FUT9: variants seen among roughly 807,000 people sequenced by gnomAD.
The protein encoded by FUT9 is 4-galactosyl-N-acetylglucosaminide 3-alpha-L-fucosyltransferase 9.
FUT9 carries 15 observed loss-of-function variants against 29.7 expected under a neutral mutation model. The observed-to-expected ratio is 0.51, with a 90% CI of 0.34 to 0.78. The LOEUF is 0.78. FUT9 is among the 30% of genes least tolerant of loss of function. The probability of loss-of-function intolerance (pLI) is 0.01; values close to 1 mark genes in which losing one functional copy is unlikely to be tolerated. For synonymous variants in FUT9, 169 were observed against 153.7 expected (o/e 1.10, Z -0.74); for missense variants, 319 against 425.4 (o/e 0.75, Z 2.20).
chr6:96,063,680 G>A (rs1770914457), intron 1 of FUT9, among the ~76,000 whole-genome samples: 2 of 152,082 alleles, frequency 1.3e-5, no homozygotes, highest in South Asian at 2.1e-4. Context: ...ATAGATGAAG[G>A]CAATGAAGCA....
chr6:96,181,931 G>C (rs1003710875), intron 2 of FUT9, among the ~76,000 whole-genome samples: 2 of 151,806 alleles, frequency 1.3e-5, no homozygotes, highest in African/African-American at 4.8e-5. Context: ...ACTTTTTTCT[G>C]GATAGATACC....
chr6:96,156,694 C>G (rs1231302284), intron 2 of FUT9, among the ~76,000 whole-genome samples: 5 of 152,116 alleles, frequency 3.3e-5, no homozygotes, highest in African/African-American at 4.8e-5. Context: ...TGGGTTAGGT[C>G]GGATGTTTTC....
chr6:96,142,351 T>G (rs542553416), intron 2 of FUT9, among the ~76,000 whole-genome samples: 1 of 152,284 alleles, frequency 6.6e-6, no homozygotes, highest in Admixed American at 6.5e-5. Flanking sequence ...CACAATCCAG[T>G]TATGAATACT....
intron 2 of FUT9, among the ~76,000 whole-genome samples, chr6:96,202,844 G>T (rs138172565): frequency 2.0e-5 from 3 of 152,166 alleles, no homozygotes; most frequent in African/African-American, 7.2e-5. Context: ...TCTAGGTTGT[G>T]CCACTTTTCT....
At chr6:96,128,491 T>C (rs957476842) in intron 2 of FUT9, among the ~76,000 whole-genome samples, 2 of 152,200 alleles carry the variant, frequency 1.3e-5, no homozygotes. Flanking sequence ...CGTTATTAAG[T>C]GTTGTGGAAA....
At chr6:96,022,843 G>A (rs1228389677) in intron 1 of FUT9, among the ~76,000 whole-genome samples, 1 of 151,880 alleles carries the variant, frequency 6.6e-6, no homozygotes, top group East Asian at 1.9e-4. Flanking sequence ...GCTAATAGCT[G>A]CTTTTCAAAT....
chr6:96,142,639 T>C (rs1233079044), intron 2 of FUT9, among the ~76,000 whole-genome samples: 2 of 152,014 alleles, frequency 1.3e-5, no homozygotes, highest in Admixed American at 6.6e-5. Flanking sequence ...GAGAAGTTCA[T>C]TTTTTTCTGT....
rs1773941409 is a variant in FUT9, at chr6:96,211,752, T to C, written c.*7517T>C. 5.2e-6 allele frequency: 1 copy of C among 191,732 alleles called. No individual in the cohort carries two copies. The highest frequency in any genetic ancestry group is 2.4e-5 in the African/African-American group (1 of 42,534). 11.9% of individuals were successfully genotyped at this position (191,732 alleles called of 1,614,324 possible). On this transcript the variant is annotated 3_prime_UTR_variant, in exon 3 of 3. Transcript: ENST00000302103. ...AAGTAGGCTCAAGGAAAATTTCTAT[T>C]TTTCTATATGAAAAAGAGAATGATA...
intron 2 of FUT9, among the ~76,000 whole-genome samples, chr6:96,120,269 CTTTTT>C (rs11347804): frequency 3.3e-5 from 3 of 91,474 alleles, no homozygotes; most frequent in South Asian, 9.3e-4. Flanking sequence ...TTTTTTCTTT[CTTTTT>C]TTTTTTTTTT....
At chr6:96,127,355 G>T (rs115352405) in intron 2 of FUT9, among the ~76,000 whole-genome samples, 2,640 of 152,220 alleles carry the variant, frequency 0.017, 82 homozygotes, top group African/African-American at 0.059. Flanking sequence ...CCATGTTGCT[G>T]CGAAGTATGT....
chr6:96,079,107 G>C (rs114795059), intron 1 of FUT9, among the ~76,000 whole-genome samples: 7 of 152,200 alleles, frequency 4.6e-5, no homozygotes, highest in African/African-American at 1.7e-4. Context: ...CCCATGTTCA[G>C]AGGCACCATG....
chr6:96,071,713 T>C (rs6940717), intron 1 of FUT9, among the ~76,000 whole-genome samples: 4,142 of 152,276 alleles, frequency 0.027, 211 homozygotes, highest in African/African-American at 0.094. Context: ...ATCTCTTCTA[T>C]CCCTAAACAT....
In FUT9 at chr6:96,159,212, T is replaced by C. The variant is rs113300170; in HGVS notation, c.-8-43936T>C. Among the ~76,000 whole-genome samples the C allele has an allele frequency of 1.7e-3, 263 of 151,402 alleles. 2 individuals carry two copies. Among genetic ancestry groups the C allele is most frequent in the African/African-American group, 6.1e-3 (252 of 41,292 alleles). ...TTTGCATCATATCTTTAAGCAAAAATGAGCCTGTCTCTAAAGAAAAGACAG... is the reference window on the plus strand; with the variant it reads ...TTTGCATCATATCTTTAAGCAAAAACGAGCCTGTCTCTAAAGAAAAGACAG... On this transcript the variant is annotated intron_variant, in intron 2 of 2. Coordinates refer to ENST00000302103, the MANE Select transcript of FUT9 (RefSeq NM_006581.4).
intron 2 of FUT9, among the ~76,000 whole-genome samples, chr6:96,137,846 A>G (rs150166264): frequency 6.6e-6 from 1 of 152,224 alleles, no homozygotes; most frequent in Admixed American, 6.5e-5. Flanking sequence ...GGAACATACA[A>G]CAACTTTCTC....
At chr6:96,121,736 A>T (rs763396940) in intron 2 of FUT9, among the ~76,000 whole-genome samples, 3 of 152,054 alleles carry the variant, frequency 2.0e-5, no homozygotes, top group Non-Finnish European at 4.4e-5. Context: ...TTGTACTCTA[A>T]ACACAGTAGG....
chr6:96,164,709 A>T (rs1362793728), intron 2 of FUT9, among the ~76,000 whole-genome samples: 1 of 151,998 alleles, frequency 6.6e-6, no homozygotes, highest in Non-Finnish European at 1.5e-5. Context: ...ATGTCTGACC[A>T]CTCATTCCCA....
In FUT9 at chr6:96,150,309, T is replaced by A. The variant is rs142315680; in HGVS notation, c.-9+36182T>A. Among the ~76,000 whole-genome samples, 472 of 152,268 alleles carry A rather than the reference T, an allele frequency of 3.1e-3. 1 individual carries two copies. The highest frequency in any genetic ancestry group is 0.01 in the African/African-American group (418 of 41,546). ...AACAAAGTGGCATTTTTGATAGACC[T>A]GGACTTTAAAATATGGAAATTAGTG... On this transcript the variant is annotated intron_variant, in intron 2 of 2. Coordinates refer to ENST00000302103, the MANE Select transcript of FUT9 (RefSeq NM_006581.4).
chr6:96,165,288 G>A (rs531285050), intron 2 of FUT9, among the ~76,000 whole-genome samples: 15 of 151,792 alleles, frequency 9.9e-5, no homozygotes, highest in South Asian at 4.2e-4. Flanking sequence ...AAAATTAGCC[G>A]GTCGTGATGG....
chr6:96,136,165 T>A (rs1772346939), intron 2 of FUT9, among the ~76,000 whole-genome samples: 1 of 151,774 alleles, frequency 6.6e-6, no homozygotes, highest in Non-Finnish European at 1.5e-5. Context: ...GGGCATATTT[T>A]AAAATCACAT....
Sources: gnomAD v4.1 joint callset for allele counts (sites outside exome capture counted in the v4.1 genomes callset) on GRCh38, gnomAD v4.1.1 for gene constraint, MANE v1.5 for transcripts, NCBI Gene and HGNC (gene_info 2026-07-23, HGNC 2026-07-21) for gene names.